The following CLSTN2 variants were observed in gnomAD, a reference collection of about 807,000 sequenced individuals.
The protein encoded by CLSTN2 is calsyntenin-2.
A neutral mutation model predicts 101.2 loss-of-function variants in CLSTN2; 48 were observed. The observed-to-expected ratio is 0.47, with a 90% CI of 0.38 to 0.60. CLSTN2 has a LOEUF of 0.60. Ranked by LOEUF, CLSTN2 falls within the 20% of genes least tolerant of loss-of-function variation. The probability of loss-of-function intolerance (pLI) is 0.00; values close to 1 mark genes in which losing one functional copy is unlikely to be tolerated. For synonymous variants in CLSTN2, 481 were observed against 463.6 expected (o/e 1.04, Z -0.48); for missense variants, 1,160 against 1,238.2 (o/e 0.94, Z 0.95).
intron 2 of CLSTN2, among the ~76,000 whole-genome samples, chr3:140,199,442 T>C (rs934714075): frequency 3.9e-5 from 6 of 152,322 alleles, no homozygotes; most frequent in African/African-American, 1.4e-4. Context: ...CTGGTCAGAA[T>C]TGGTTTGAAA....
intron 2 of CLSTN2, among the ~76,000 whole-genome samples, chr3:140,195,468 G>C (rs1394494203): frequency 6.6e-6 from 1 of 151,860 alleles, no homozygotes; most frequent in Non-Finnish European, 1.5e-5. Context: ...ATTATGTCCA[G>C]GGTTTTAGTT....
intron 1 of CLSTN2, among the ~76,000 whole-genome samples, chr3:140,154,012 T>G (rs894109704): frequency 6.6e-6 from 1 of 152,222 alleles, no homozygotes. Context: ...GAAATAGTGG[T>G]GCACAAAAGG....
intron 1 of CLSTN2, among the ~76,000 whole-genome samples, chr3:140,128,539 G>A (rs1243977091): frequency 6.6e-6 from 1 of 152,174 alleles, no homozygotes; most frequent in Non-Finnish European, 1.5e-5. Context: ...GTGGAATGAA[G>A]TGATCACCCC....
At chr3:140,443,269 C>G (rs1400170206) in intron 5 of CLSTN2, among the ~76,000 whole-genome samples, 4 of 152,226 alleles carry the variant, frequency 2.6e-5, no homozygotes, top group Non-Finnish European at 5.9e-5. Context: ...ACCTCTTTCC[C>G]TTTTATTATT....
intron 2 of CLSTN2, among the ~76,000 whole-genome samples, chr3:140,318,422 G>A (rs1375235708): frequency 6.6e-6 from 1 of 152,182 alleles, no homozygotes; most frequent in Non-Finnish European, 1.5e-5. Flanking sequence ...TTCAGACAAA[G>A]GGCGATGTCA....
chr3:140,103,188 G>T (rs2008996861), intron 1 of CLSTN2, among the ~76,000 whole-genome samples: 1 of 152,148 alleles, frequency 6.6e-6, no homozygotes, highest in African/African-American at 2.4e-5. Flanking sequence ...CTGTAAGGTT[G>T]CAGCAGCTGG....
intron 1 of CLSTN2, among the ~76,000 whole-genome samples, chr3:139,946,949 G>C (rs1426045): frequency 0.1 from 15,585 of 152,238 alleles, 971 homozygotes; most frequent in Middle Eastern, 0.24. Flanking sequence ...CATTTCCTTA[G>C]TTTCATTGAA....
chr3:140,387,455 C>A (rs957908465), intron 2 of CLSTN2, among the ~76,000 whole-genome samples: 12 of 152,160 alleles, frequency 7.9e-5, no homozygotes, highest in African/African-American at 2.9e-4. Context: ...TTTCTGCTTC[C>A]ACAGGTTCCT....
intron 1 of CLSTN2, among the ~76,000 whole-genome samples, chr3:140,124,462 G>A (rs1260604739): frequency 2.0e-5 from 3 of 152,190 alleles, no homozygotes; most frequent in African/African-American, 7.2e-5. Context: ...GGCAAAAGTG[G>A]TGGGAGGTGG....
chr3:140,419,022 T>C (rs2107989117), intron 4 of CLSTN2, among the ~76,000 whole-genome samples: 1 of 135,292 alleles, frequency 7.4e-6, no homozygotes, highest in South Asian at 2.1e-4. Flanking sequence ...GTGTAATTGG[T>C]GGACCTTTTT....
chr3:140,160,910 A>G (rs1021021423), intron 1 of CLSTN2, among the ~76,000 whole-genome samples: 1 of 152,132 alleles, frequency 6.6e-6, no homozygotes, highest in African/African-American at 2.4e-5. Context: ...CTAAGATACT[A>G]TTTGCTTTCT....
In CLSTN2 at chr3:140,403,553, T is replaced by C. The variant is rs138816883; in HGVS notation, c.233-76T>C. 1.2e-5 allele frequency: 15 copies of C among 1,248,746 alleles called. No homozygotes were observed. The African/African-American group carries it at 2.1e-4, about 17-fold the overall frequency. 77.4% of individuals were successfully genotyped at this position (1,248,746 alleles called of 1,614,324 possible). On this transcript the variant is annotated intron_variant, in intron 2 of 16. Transcript: ENST00000458420. ...TGCATGGAGGCTTTGAGTTTGTGAA[T>C]CTGGTCCAATGGAAGCACTGTCTTC...
At chr3:140,273,832 C>T (rs985347631) in intron 2 of CLSTN2, among the ~76,000 whole-genome samples, 1 of 152,152 alleles carries the variant, frequency 6.6e-6, no homozygotes, top group Middle Eastern at 3.2e-3. Flanking sequence ...TGTAGTTGAT[C>T]AGTTCATATC....
intron 1 of CLSTN2, among the ~76,000 whole-genome samples, chr3:140,169,249 G>A (rs1444717969): frequency 6.6e-6 from 1 of 151,962 alleles, no homozygotes; most frequent in Non-Finnish European, 1.5e-5. Context: ...TGTTTTTGAT[G>A]CTATTGTAAC....
intron 2 of CLSTN2, among the ~76,000 whole-genome samples, chr3:140,381,737 A>G (rs2087987706): frequency 6.6e-6 from 1 of 152,260 alleles, no homozygotes; most frequent in Non-Finnish European, 1.5e-5. Context: ...GATCAGCCAG[A>G]TGTTTCCAGC....
chr3:140,366,528 C>T (rs1489079838), intron 2 of CLSTN2, among the ~76,000 whole-genome samples: 1 of 152,176 alleles, frequency 6.6e-6, no homozygotes, highest in Non-Finnish European at 1.5e-5. Flanking sequence ...CTGAGGAGGA[C>T]CCGCTTGTAT....
At chr3:140,104,374 G>A (rs1268499720) in intron 1 of CLSTN2, among the ~76,000 whole-genome samples, 5 of 152,172 alleles carry the variant, frequency 3.3e-5, no homozygotes. Context: ...TTTCTATTCT[G>A]TTCTTAGCAC....
At chr3:140,085,754 A>G (rs1476937504) in intron 1 of CLSTN2, among the ~76,000 whole-genome samples, 2 of 152,140 alleles carry the variant, frequency 1.3e-5, no homozygotes, top group Non-Finnish European at 2.9e-5. Context: ...GAGCAATACA[A>G]CAATGTCTAG....
At chr3:140,075,693 T>C (rs1006794457) in intron 1 of CLSTN2, among the ~76,000 whole-genome samples, 15 of 152,142 alleles carry the variant, frequency 9.9e-5, no homozygotes, top group Non-Finnish European at 2.2e-4. Flanking sequence ...GTGTGAGTTG[T>C]TGTTGGGATG....
Sources: gnomAD v4.1 joint callset for allele counts (sites outside exome capture counted in the v4.1 genomes callset) on GRCh38, gnomAD v4.1.1 for gene constraint, MANE v1.5 for transcripts, NCBI Gene and HGNC (gene_info 2026-07-23, HGNC 2026-07-21) for gene names.